LRCH3: variants seen among roughly 807,000 people sequenced by gnomAD.
The protein encoded by LRCH3 is DISP complex protein LRCH3.
LRCH3 carries 68 observed loss-of-function variants against 104.5 expected under a neutral mutation model. That is an observed-to-expected ratio of 0.65 (90% CI 0.54 to 0.80). The LOEUF (loss-of-function observed/expected upper bound fraction) is 0.80, where lower values mean the gene tolerates loss of function less well. Ranked by LOEUF, LRCH3 falls within the 30% of genes least tolerant of loss-of-function variation. LRCH3 has a pLI of 0.00. For synonymous variants in LRCH3, 344 were observed against 361.3 expected, an observed-to-expected ratio of 0.95 and a Z score of 0.54; for missense variants, 951 against 953.9, an observed-to-expected ratio of 1.00 and a Z score of 0.04.
At chr3:197,838,970 C>G (rs980068015) in intron 9 of LRCH3, among the ~76,000 whole-genome samples, 2 of 152,136 alleles carry the variant, frequency 1.3e-5, no homozygotes, top group Admixed American at 1.3e-4. Flanking sequence ...GTGGGAATTT[C>G]TGTCCTAAAT....
chr3:197,883,179 A>C lies in LRCH3; in HGVS notation c.2209-362A>C, dbSNP rs115471245. 4 of 992,950 alleles carry C rather than the reference A, an allele frequency of 4.0e-6. No homozygotes were observed. Among genetic ancestry groups the C allele is most frequent in the South Asian group, 9.1e-5 (2 of 21,986 alleles). The allele number at this position is 992,950 out of a possible 1,614,324, so 61.5% of individuals were successfully genotyped here. A position where few individuals can be genotyped will look rare whatever the true frequency, so the allele number is the denominator to read the frequency against. Reference sequence around the variant, plus strand: ...TCTGGTAGCGTGGAATTGTTTTTCTATTTTTCACCTGCCTATTTTATAGAC... The same window carrying C: ...TCTGGTAGCGTGGAATTGTTTTTCTCTTTTTCACCTGCCTATTTTATAGAC... On this transcript the variant is annotated intron_variant, in intron 20 of 20. Coordinates refer to ENST00000425562, the MANE Select transcript of LRCH3 (RefSeq NM_001365715.1). The surrounding 1 kb of genome is among the most constrained non-coding windows in gnomAD (Gnocchi z 4.2).
chr3:197,826,423 G>T (rs569329824), intron 4 of LRCH3, among the ~76,000 whole-genome samples: 1 of 152,240 alleles, frequency 6.6e-6, no homozygotes, highest in Non-Finnish European at 1.5e-5. Flanking sequence ...TCATCCTATT[G>T]TGCCTGGGAT....
intron 20 of LRCH3, among the ~76,000 whole-genome samples, chr3:197,877,705 T>C (rs1486431887): frequency 6.6e-6 from 1 of 152,212 alleles, no homozygotes; most frequent in African/African-American, 2.4e-5. Flanking sequence ...ATTCCCAGGA[T>C]TGTTTTTCTC....
chr3:197,839,534 T>C, intron 10 of LRCH3, 137 bp downstream of exon 10: 1 of 524,454 alleles, frequency 1.9e-6, no homozygotes, highest in Non-Finnish European at 3.3e-6. Context: ...GGTGTGCTTT[T>C]TTGTACTCAT....
rs375748365 is a variant in LRCH3 at position 197,888,196 on chromosome 3, A to G, written c.*4530A>G. Reference sequence around the variant, plus strand: ...AACATGGATATTTAGAAGCCTTTCTATATACACAGTGCAGTTGAGATGGTT... The same window carrying G: ...AACATGGATATTTAGAAGCCTTTCTGTATACACAGTGCAGTTGAGATGGTT... On this transcript the variant is annotated 3_prime_UTR_variant, in exon 21 of 21. Coordinates refer to ENST00000425562, the MANE Select transcript of LRCH3 (RefSeq NM_001365715.1). 2 of 152,234 alleles carry G rather than the reference A, an allele frequency of 1.3e-5. No homozygotes were observed. The highest frequency in any genetic ancestry group is 1.5e-5 in the Non-Finnish European group (1 of 68,046). 9.4% of individuals were successfully genotyped at this position (152,234 alleles called of 1,614,324 possible). A position where few individuals can be genotyped will look rare whatever the true frequency, so the allele number is the denominator to read the frequency against.
At chr3:197,879,482 T>A (rs1012936698) in intron 20 of LRCH3, among the ~76,000 whole-genome samples, 1 of 151,024 alleles carries the variant, frequency 6.6e-6, no homozygotes, top group Non-Finnish European at 1.5e-5. Flanking sequence ...CCGTCTCTAC[T>A]AAAAATACAA....
intron 2 of LRCH3, 65 bp from the exon 3 acceptor site, chr3:197,817,111 A>T (rs1733887267): frequency 1.4e-6 from 2 of 1,477,124 alleles, no homozygotes; most frequent in Admixed American, 4.1e-5. Flanking sequence ...ATAGCGTGAG[A>T]AAGAGAGAAA....
chr3:197,875,051 C>T (rs1377005472), intron 19 of LRCH3, among the ~76,000 whole-genome samples: 1 of 151,752 alleles, frequency 6.6e-6, no homozygotes, highest in Non-Finnish European at 1.5e-5. Flanking sequence ...GTGCCTCAGC[C>T]TCCCGAGTAG....
At chr3:197,880,547 A>G (rs1218496248) in intron 20 of LRCH3, 1 of 1,536,366 alleles carries the variant, frequency 6.5e-7, no homozygotes, top group Admixed American at 2.0e-5. Flanking sequence ...TCCTTCAGCT[A>G]AACCTCAGCG....
intron 10 of LRCH3, among the ~76,000 whole-genome samples, chr3:197,844,294 G>C (rs1396135641): frequency 6.6e-6 from 1 of 152,174 alleles, no homozygotes; most frequent in East Asian, 1.9e-4. Context: ...TTGGAGTAAG[G>C]TGGCAAGAAT....
chr3:197,797,893 A>AAAAC (rs376623079), intron 1 of LRCH3, among the ~76,000 whole-genome samples: 26 of 146,812 alleles, frequency 1.8e-4, no homozygotes, highest in East Asian at 6.1e-4. Context: ...CAAAAAAAAA[A>AAAAC]ACAAAACCAG....
chr3:197,839,349 G>A lies in LRCH3; in HGVS notation c.1280G>A (p.Arg427Lys), dbSNP rs1447412564. 6 of 1,594,918 alleles carry A rather than the reference G, an allele frequency of 3.8e-6. No homozygotes were observed. The highest frequency in any genetic ancestry group is 1.1e-5 in the South Asian group (1 of 87,586). Reference sequence around the variant, plus strand: ...TCACCAGTAAAGCCAGTAGCCATTAGGGAGTTTCAAAAAACAGAAGATATG... The same window carrying A: ...TCACCAGTAAAGCCAGTAGCCATTAAGGAGTTTCAAAAAACAGAAGATATG... ...EGSPVKPVAIREFQKTEDMRR... is the reference protein window; with the variant it reads ...EGSPVKPVAIKEFQKTEDMRR... The change falls in exon 10 of 21, where the codon AGG (arginine) becomes AAG (lysine). Residue 427 changes from arginine to lysine, a missense_variant. Physicochemically the swap from Arg to Lys is conservative, Grantham distance 26. Transcript: ENST00000425562.
chr3:197,879,962 T>C (rs1713479189), intron 20 of LRCH3, among the ~76,000 whole-genome samples: 1 of 150,694 alleles, frequency 6.6e-6, no homozygotes, highest in Non-Finnish European at 1.5e-5. Flanking sequence ...TTTTTTTTTT[T>C]TGAGACGGAG....
chr3:197,846,490 G>T (rs1159772257), intron 10 of LRCH3, among the ~76,000 whole-genome samples: 1 of 151,160 alleles, frequency 6.6e-6, no homozygotes, highest in Non-Finnish European at 1.5e-5. Context: ...TGAGGGGCAG[G>T]AGTTTGAGAC....
chr3:197,822,442 CA>C (rs1314731604), intron 4 of LRCH3, among the ~76,000 whole-genome samples: 12 of 152,138 alleles, frequency 7.9e-5, no homozygotes, highest in Non-Finnish European at 1.8e-4. Context: ...GGGTTTTAAT[CA>C]AAATGAAAAT....
At position 197,867,096 on chromosome 3, in the gene LRCH3, G is replaced by A. The variant is rs191309642; in HGVS notation, c.1873+877G>A. ...TCATGACCAGCCTGGCCAACATGGCGAAACCCCGTCTCTACTGAAAAAATA... is the reference window on the plus strand; with the variant it reads ...TCATGACCAGCCTGGCCAACATGGCAAAACCCCGTCTCTACTGAAAAAATA... On this transcript the variant is annotated intron_variant, in intron 17 of 20. Coordinates refer to ENST00000425562, the MANE Select transcript of LRCH3 (RefSeq NM_001365715.1). 5.1e-3 allele frequency among the ~76,000 whole-genome samples: 778 copies of A among 152,210 alleles called. 6 individuals carry two copies. Among genetic ancestry groups the A allele is most frequent in the African/African-American group, 0.018 (739 of 41,544 alleles).
intron 20 of LRCH3, chr3:197,880,533 G>T: frequency 6.5e-7 from 1 of 1,536,068 alleles, no homozygotes; most frequent in South Asian, 1.2e-5. Context: ...TTCCCCTTCC[G>T]ACATCCTTCA....
rs941578783 is a variant in LRCH3, at chr3:197,872,147, A to G, written c.2130+685A>G. Among the ~76,000 whole-genome samples the G allele has an allele frequency of 3.3e-5, 5 of 152,124 alleles. No homozygotes were observed. In the East Asian group the frequency reaches 9.6e-4, roughly 29 times the overall value. On this transcript the variant is annotated intron_variant, in intron 19 of 20. Coordinates refer to ENST00000425562, the MANE Select transcript of LRCH3 (RefSeq NM_001365715.1). ...CCGAGGCAGACGATTGCTTGAGCCC[A>G]GGAGTTTGAGACCAGCCAGGACAAT...
At chr3:197,801,632 C>T (rs537219696) in intron 1 of LRCH3, among the ~76,000 whole-genome samples, 3 of 152,108 alleles carry the variant, frequency 2.0e-5, no homozygotes, top group Admixed American at 6.6e-5. Context: ...TTCTTAATAC[C>T]CTGTGCACAT....
Sources: gnomAD v4.1 joint callset for allele counts (sites outside exome capture counted in the v4.1 genomes callset) on GRCh38, gnomAD v4.1.1 for gene constraint, Gnocchi (gnomAD v3.1) non-coding constraint, MANE v1.5 for transcripts, NCBI Gene and HGNC (gene_info 2026-07-23, HGNC 2026-07-21) for gene names.